The following RFX4 variants were observed in gnomAD, a reference collection of about 807,000 sequenced individuals.
RFX4 encodes the protein regulatory factor X4.
Under a neutral mutation model 95.0 loss-of-function variants are expected in RFX4, and 10 were observed. The ratio of observed to expected loss-of-function variants is 0.11; its 90% CI spans 0.06 to 0.18. The LOEUF is 0.18. Ranked by LOEUF, RFX4 falls within the 10% of genes least tolerant of loss-of-function variation. The pLI is 1.00. For synonymous variants in RFX4, 321 were observed against 340.7 expected (o/e 0.94, Z 0.64); for missense variants, 640 against 922.0 (o/e 0.69, Z 3.96).
chr12:106,737,220 G>A (rs1305418184), intron 15 of RFX4, among the ~76,000 whole-genome samples: 1 of 113,496 alleles, frequency 8.8e-6, no homozygotes, highest in Non-Finnish European at 1.7e-5. Context: ...AAATAAATAG[G>A]GTCAGATTGC....
intron 4 of RFX4, among the ~76,000 whole-genome samples, chr12:106,657,888 ATAGTT>A (rs1282113428): frequency 6.6e-6 from 1 of 152,068 alleles, no homozygotes; most frequent in African/African-American, 2.4e-5. Context: ...TTTATATAGT[ATAGTT>A]TTCTCTCTAT....
chr12:106,629,507 GTC>G (rs2040373062), intron 2 of RFX4, among the ~76,000 whole-genome samples: 1 of 152,002 alleles, frequency 6.6e-6, no homozygotes, highest in Non-Finnish European at 1.5e-5. Flanking sequence ...TTGAGAGAGG[GTC>G]TTGCTCTGTT....
At chr12:106,706,762 A>C (rs571202524) in intron 8 of RFX4, among the ~76,000 whole-genome samples, 1 of 152,178 alleles carries the variant, frequency 6.6e-6, no homozygotes, top group Non-Finnish European at 1.5e-5. Flanking sequence ...GAACAGGACA[A>C]TGTTATATCT....
chr12:106,638,190 T>C (rs2040552603), intron 2 of RFX4, among the ~76,000 whole-genome samples: 1 of 152,056 alleles, frequency 6.6e-6, no homozygotes, highest in African/African-American at 2.4e-5. Flanking sequence ...GTATTTTTAG[T>C]ACAGACGGGG....
chr12:106,675,887 CG>C (rs1217151221), intron 4 of RFX4, among the ~76,000 whole-genome samples: 1 of 151,944 alleles, frequency 6.6e-6, no homozygotes, highest in East Asian at 1.9e-4. Flanking sequence ...TGGGAGAGGA[CG>C]GGGAGAGGTA....
At chr12:106,742,380 A>G (rs2042822520) in intron 15 of RFX4, among the ~76,000 whole-genome samples, 1 of 152,000 alleles carries the variant, frequency 6.6e-6, no homozygotes, top group Non-Finnish European at 1.5e-5. Flanking sequence ...ATGGGGTTTT[A>G]CCATGTTGCC....
chr12:106,703,335 T>C (rs150108601), intron 8 of RFX4, among the ~76,000 whole-genome samples: 2 of 152,370 alleles, frequency 1.3e-5, no homozygotes, highest in Non-Finnish European at 2.9e-5. Context: ...CACACCCAAA[T>C]AGGTTAACAA....
intron 13 of RFX4, among the ~76,000 whole-genome samples, chr12:106,723,723 C>T (rs528402270): frequency 1.3e-5 from 2 of 152,270 alleles, no homozygotes; most frequent in East Asian, 3.9e-4. Context: ...CTTAGATGGC[C>T]TGGCCCAGCT....
intron 6 of RFX4, among the ~76,000 whole-genome samples, chr12:106,687,800 A>G (rs1463056123): frequency 6.6e-6 from 1 of 152,050 alleles, no homozygotes; most frequent in African/African-American, 2.4e-5. Flanking sequence ...CCTATCATCT[A>G]TCTTCTGTCT....
At chr12:106,626,636 A>C (rs1361275018) in intron 2 of RFX4, among the ~76,000 whole-genome samples, 1 of 152,320 alleles carries the variant, frequency 6.6e-6, no homozygotes, top group East Asian at 1.9e-4. Flanking sequence ...TCAAGCCAGC[A>C]GACACATCAG....
chr12:106,658,217 T>C (rs1250107471), intron 4 of RFX4, among the ~76,000 whole-genome samples: 1 of 152,230 alleles, frequency 6.6e-6, no homozygotes, highest in Non-Finnish European at 1.5e-5. Context: ...TTCATGATAA[T>C]AACCCTATGA....
chr12:106,704,369 C>A (rs2042045403), intron 8 of RFX4, among the ~76,000 whole-genome samples: 1 of 152,220 alleles, frequency 6.6e-6, no homozygotes, highest in African/African-American at 2.4e-5. Context: ...GCTTACAAAT[C>A]AAGTGCCGTT....
chr12:106,741,441 G>A (rs774099241), intron 15 of RFX4, among the ~76,000 whole-genome samples: 29 of 152,204 alleles, frequency 1.9e-4, no homozygotes, highest in Non-Finnish European at 4.4e-5. Flanking sequence ...AACTTTCTGT[G>A]ATGAGATGGA....
At chr12:106,678,811 A>T (rs2041446791) in intron 4 of RFX4, among the ~76,000 whole-genome samples, 1 of 152,152 alleles carries the variant, frequency 6.6e-6, no homozygotes, top group Non-Finnish European at 1.5e-5. Flanking sequence ...GTTGTGACAT[A>T]GTTTTTGTTA....
chr12:106,747,743 C>T (rs143524387), intron 16 of RFX4, 144 bp downstream of exon 16: 31 of 783,042 alleles, frequency 4.0e-5, no homozygotes, highest in Admixed American at 2.2e-4. Flanking sequence ...GCCTGGCCAA[C>T]GTGGTGAAAC....
chr12:106,665,268 C>T (rs998272343), intron 4 of RFX4, among the ~76,000 whole-genome samples: 1 of 151,836 alleles, frequency 6.6e-6, no homozygotes, highest in African/African-American at 2.4e-5. Flanking sequence ...ACTTTCTTTG[C>T]TTTGAAGTAT....
intron 2 of RFX4, among the ~76,000 whole-genome samples, chr12:106,636,469 T>C (rs1409595158): frequency 6.6e-6 from 1 of 151,342 alleles, no homozygotes; most frequent in Non-Finnish European, 1.5e-5. Flanking sequence ...AGGCAAATAA[T>C]GTGTTATAGA....
chr12:106,661,761 T>A (rs2041078768), intron 4 of RFX4, among the ~76,000 whole-genome samples: 1 of 152,204 alleles, frequency 6.6e-6, no homozygotes, highest in Admixed American at 6.5e-5. Flanking sequence ...ACTGATCTTT[T>A]TACAGTCTCT....
At chr12:106,714,582 A>G (rs1042959622) in intron 10 of RFX4, among the ~76,000 whole-genome samples, 65 of 152,198 alleles carry the variant, frequency 4.3e-4, no homozygotes, top group African/African-American at 1.5e-3. Context: ...TTTTGAAAAC[A>G]TGCAAATAAA....
Sources: allele counts gnomAD v4.1 joint callset (sites outside exome capture counted in the v4.1 genomes callset), GRCh38; gene constraint gnomAD v4.1.1; transcripts MANE v1.5; gene names NCBI Gene and HGNC (gene_info 2026-07-23, HGNC 2026-07-21).